The following GRID2 variants were observed in gnomAD, a reference collection of about 807,000 sequenced individuals.
GRID2 encodes glutamate ionotropic receptor delta type subunit 2, also known as glutamate receptor ionotropic, delta-2.
In GRID2, 33 loss-of-function variants were observed where a neutral mutation model predicts 114.8. The ratio of observed to expected loss-of-function variants is 0.29; its 90% confidence interval spans 0.22 to 0.38. GRID2 has a LOEUF of 0.38. Ranked by LOEUF, GRID2 falls within the 10% of genes least tolerant of loss-of-function variation. The pLI is 1.00. For synonymous variants in GRID2, 505 were observed against 449.9 expected (o/e 1.12, Z -1.55); for missense variants, 1,184 against 1,257.7 (o/e 0.94, Z 0.89).
At chr4:93,444,888 G>C (rs2149396755) in intron 10 of GRID2, among the ~76,000 whole-genome samples, 1 of 152,036 alleles carries the variant, frequency 6.6e-6, no homozygotes, top group East Asian at 1.9e-4. Flanking sequence ...TCTCAAAACA[G>C]TGTTTACATA....
chr4:93,591,316 T>A (rs926051455), intron 13 of GRID2, among the ~76,000 whole-genome samples: 3 of 151,952 alleles, frequency 2.0e-5, no homozygotes, highest in African/African-American at 7.2e-5. Flanking sequence ...GATATAATCA[T>A]GTGGTTTTTG....
chr4:93,733,939 C>T (rs1486919102), intron 14 of GRID2, among the ~76,000 whole-genome samples: 1 of 151,996 alleles, frequency 6.6e-6, no homozygotes, highest in East Asian at 1.9e-4. Flanking sequence ...TTGATTTTTA[C>T]CTTGCCCAAA....
At chr4:92,543,267 G>A (rs1216770509) in intron 1 of GRID2, among the ~76,000 whole-genome samples, 1 of 152,058 alleles carries the variant, frequency 6.6e-6, no homozygotes, top group Admixed American at 6.6e-5. Flanking sequence ...TGCAGGTTAG[G>A]AAATTGCCCA....
chr4:92,956,373 G>A (rs1040020255), intron 2 of GRID2, among the ~76,000 whole-genome samples: 5 of 152,100 alleles, frequency 3.3e-5, no homozygotes, highest in Admixed American at 6.6e-5. Context: ...AAATCCTCTG[G>A]ATTCTCCTTA....
chr4:92,451,440 G>A (rs1302279767), intron 1 of GRID2, among the ~76,000 whole-genome samples: 1 of 152,018 alleles, frequency 6.6e-6, no homozygotes, highest in African/African-American at 2.4e-5. Context: ...TGACCACTAG[G>A]CATTTACATT....
intron 2 of GRID2, among the ~76,000 whole-genome samples, chr4:92,687,894 C>G (rs1462956581): frequency 6.6e-6 from 1 of 151,784 alleles, no homozygotes; most frequent in Non-Finnish European, 1.5e-5. Context: ...AAGTCAGAAT[C>G]TTTTTGCTGA....
intron 2 of GRID2, among the ~76,000 whole-genome samples, chr4:92,693,479 A>G (rs868696106): frequency 1.2e-4 from 18 of 152,226 alleles, no homozygotes; most frequent in South Asian, 4.1e-4. Context: ...ATGTTTGAAC[A>G]AAAATATTTT....
At chr4:92,849,161 T>C (rs184898760) in intron 2 of GRID2, among the ~76,000 whole-genome samples, 2 of 152,016 alleles carry the variant, frequency 1.3e-5, no homozygotes, top group East Asian at 1.9e-4. Flanking sequence ...ATGATGTCAA[T>C]TGATGATGAT....
At chr4:93,007,008 A>G (rs1051746333) in intron 2 of GRID2, among the ~76,000 whole-genome samples, 4 of 152,014 alleles carry the variant, frequency 2.6e-5, no homozygotes, top group Admixed American at 2.6e-4. Context: ...CTAATCAGTG[A>G]AACAAAAAAT....
chr4:93,304,031 A>G (rs931571393), intron 8 of GRID2, among the ~76,000 whole-genome samples: 1 of 151,802 alleles, frequency 6.6e-6, no homozygotes, highest in Non-Finnish European at 1.5e-5. Flanking sequence ...CAGAATTATT[A>G]TTAAATATTG....
intron 2 of GRID2, among the ~76,000 whole-genome samples, chr4:92,939,647 A>T (rs1226167779): frequency 6.8e-6 from 1 of 147,264 alleles, no homozygotes; most frequent in African/African-American, 2.4e-5. Flanking sequence ...GCCCATGCCT[A>T]TGTCCTGAAT....
At chr4:92,340,267 A>G (rs1366045482) in intron 1 of GRID2, among the ~76,000 whole-genome samples, 2 of 152,140 alleles carry the variant, frequency 1.3e-5, no homozygotes. Context: ...GTTCATGTAA[A>G]TCAAATTTCT....
At chr4:92,577,761 G>T (rs1030776310) in intron 1 of GRID2, among the ~76,000 whole-genome samples, 4 of 152,060 alleles carry the variant, frequency 2.6e-5, no homozygotes, top group Non-Finnish European at 5.9e-5. Flanking sequence ...TTAATGAAAT[G>T]GAATTACCAT....
At chr4:93,098,516 C>T (rs986292812) in intron 3 of GRID2, among the ~76,000 whole-genome samples, 1 of 151,880 alleles carries the variant, frequency 6.6e-6, no homozygotes, top group African/African-American at 2.4e-5. Flanking sequence ...AGAGGAGGTG[C>T]TCGTCAGAAT....
chr4:93,638,321 A>ATTTTTTTTTTTTTTTTTTTT (rs1560850925), intron 14 of GRID2, among the ~76,000 whole-genome samples: 1 of 45,450 alleles, frequency 2.2e-5, no homozygotes. Flanking sequence ...TTTTTTTTTA[A>ATTTTTTTTTTTTTTTTTTTT]TTATACTCTA....
chr4:92,817,786 C>A (rs1050813457), intron 2 of GRID2, among the ~76,000 whole-genome samples: 1 of 151,678 alleles, frequency 6.6e-6, no homozygotes, highest in South Asian at 2.1e-4. Context: ...TCTCCCTTGG[C>A]CTCTCAAAGT....
intron 13 of GRID2, among the ~76,000 whole-genome samples, chr4:93,561,451 C>A (rs945535678): frequency 1.1e-4 from 16 of 151,936 alleles, no homozygotes; most frequent in African/African-American, 3.9e-4. Context: ...TACCATTTGC[C>A]CCTAAACATG....
chr4:93,211,406 T>C (rs993509819), intron 5 of GRID2, among the ~76,000 whole-genome samples: 1 of 152,114 alleles, frequency 6.6e-6, no homozygotes. Context: ...TTTTATTTCA[T>C]AAAATATTAC....
intron 1 of GRID2, among the ~76,000 whole-genome samples, chr4:92,381,504 GT>G (rs1729615851): frequency 7.6e-6 from 1 of 130,832 alleles, no homozygotes; most frequent in Non-Finnish European, 1.7e-5. Context: ...TATAAAAGAA[GT>G]GTTTTTTTTT....
Sources: gnomAD v4.1 joint callset for allele counts (sites outside exome capture counted in the v4.1 genomes callset) on GRCh38, gnomAD v4.1.1 for gene constraint, MANE v1.5 for transcripts, NCBI Gene and HGNC (gene_info 2026-07-23, HGNC 2026-07-21) for gene names.